The following ASMTL variants were observed in gnomAD, a reference collection of about 807,000 sequenced individuals.
The protein encoded by ASMTL is acetylserotonin O-methyltransferase like.
In ASMTL, 57 loss-of-function variants were observed where a neutral mutation model predicts 60.3. The ratio of observed to expected loss-of-function variants is 0.95; its 90% CI spans 0.76 to 1.18. The LOEUF (loss-of-function observed/expected upper bound fraction) is 1.18, where lower values mean the gene tolerates loss of function less well. Among genes scored for constraint, ASMTL ranks in the 50% most tolerant of loss-of-function variants. The pLI is 0.00. For synonymous variants in ASMTL, 419 were observed against 373.0 expected (o/e 1.12, Z -1.42); for missense variants, 981 against 852.6 (o/e 1.15, Z -1.88).
In ASMTL at chrX:1,418,141, T is replaced by C. The variant is rs761286968; in HGVS notation, c.1379-25A>G. 43 of 1,571,876 alleles carry C rather than the reference T, an allele frequency of 2.7e-5. No individual in the cohort carries two copies. The Admixed American group carries it at 4.1e-4, about 15-fold the overall frequency. Reference sequence around the variant, plus strand: ...CCTGCGGGGAAGCAAATGCATGCTCTGTGGCTGGGTCGTCTATGGAACTCT... The same window carrying C: ...CCTGCGGGGAAGCAAATGCATGCTCCGTGGCTGGGTCGTCTATGGAACTCT... On this transcript the variant is annotated intron_variant, in intron 10 of 12. Transcript: ENST00000381317.
chrX:1,420,045 A>ATCTCTC (rs1226181638), intron 9 of ASMTL, among the ~76,000 whole-genome samples: 1 of 49,322 alleles, frequency 2.0e-5, no homozygotes, highest in African/African-American at 4.6e-5. Context: ...CTCTGTCTCT[A>ATCTCTC]TGTCTGTCTC....
intron 3 of ASMTL, among the ~76,000 whole-genome samples, chrX:1,436,975 T>A (rs1235767246): frequency 6.6e-6 from 1 of 152,148 alleles, no homozygotes; most frequent in Admixed American, 6.6e-5. Flanking sequence ...CAGGGCTGGT[T>A]CCTCCTGAAG....
At chrX:1,414,526 G>A (rs1187688490) in intron 11 of ASMTL, among the ~76,000 whole-genome samples, 4 of 152,076 alleles carry the variant, frequency 2.6e-5, no homozygotes, top group Admixed American at 2.6e-4. Flanking sequence ...TGGCCAACAT[G>A]GTGAAACCCC....
At chrX:1,419,190 G>T in intron 9 of ASMTL, 76 bp from the exon 10 acceptor site, 2 of 1,554,952 alleles carry the variant, frequency 1.3e-6, no homozygotes, top group South Asian at 2.3e-5. Context: ...TGGGGGTCGG[G>T]GGGAGAAGTG....
rs145304143 is a variant in ASMTL at position 1,418,742 on chromosome X, G to A, written c.1378+240C>T. ...GAATCCAGGGGTTCCAAGGTGCTCTGCCTCAGCTCCGCAGCCAAAAGAGAG... is the reference window on the plus strand; with the variant it reads ...GAATCCAGGGGTTCCAAGGTGCTCTACCTCAGCTCCGCAGCCAAAAGAGAG... On this transcript the variant is annotated intron_variant, in intron 10 of 12. Transcript: ENST00000381317. 0.011 allele frequency among the ~76,000 whole-genome samples: 1,609 copies of A among 152,154 alleles called. 48 individuals are homozygous for A. Among genetic ancestry groups the A allele is most frequent in the East Asian group, 0.061 (316 of 5,154 alleles).
In ASMTL at chrX:1,419,111, C is replaced by T; in HGVS notation, c.1249G>A (p.Ala417Thr). 6.2e-7 allele frequency: 1 copy of T among 1,611,106 alleles called. No homozygotes were observed. The highest frequency in any genetic ancestry group is 8.5e-7 in the Non-Finnish European group (1 of 1,179,460). ...CGCGTCTCCGGGCTCTGGTAGTACG[C>T]ATCCTGGAACACAGCAGGTGCTTAG... ...GKKAEDLFQD[A>T]YYQSPETRLR... The change falls in exon 10 of 13, where the codon GCG becomes ACG. Residue 417 changes from alanine (A) to threonine (T), a missense_variant. Ala to Thr is a moderately conservative substitution (Grantham distance 58). Coordinates refer to ENST00000381317, the MANE Select transcript of ASMTL (RefSeq NM_004192.4).
In ASMTL at chrX:1,442,049, CAT is replaced by C. The variant is rs2091121156; in HGVS notation, c.225+135_225+136del. The C allele has an allele frequency of 6.4e-6, 6 of 938,842 alleles. No individual in the cohort carries two copies. The Admixed American group carries it at 6.7e-5, about 10-fold the overall frequency. 58.2% of individuals were successfully genotyped at this position (938,842 alleles called of 1,614,324 possible). A position where few individuals can be genotyped will look rare whatever the true frequency, so the allele number is the denominator to read the frequency against. The stretch of plus-strand genomic sequence containing the variant: ...ACTGCAATAGTGCATTACATTATAA[CAT>C]AGCAATAGCTAAGCTGTGCCACCAA... On this transcript the variant is annotated intron_variant, in intron 2 of 12. Transcript: ENST00000381317.
At chrX:1,440,085 CTTTCTTTT>C (rs1175218235) in intron 2 of ASMTL, among the ~76,000 whole-genome samples, 1 of 149,648 alleles carries the variant, frequency 6.7e-6, no homozygotes, top group Non-Finnish European at 1.5e-5. Context: ...GTATTTCTTT[CTTTCTTTT>C]TTTTTTTTTT....
chrX:1,423,229 G>A (rs1357616345), intron 8 of ASMTL, among the ~76,000 whole-genome samples: 1 of 152,184 alleles, frequency 6.6e-6, no homozygotes, highest in African/African-American at 2.4e-5. Flanking sequence ...TGGGATTACA[G>A]GCGTGGCCTA....
At chrX:1,445,465 T>A (rs1396632644) in intron 1 of ASMTL, among the ~76,000 whole-genome samples, 1 of 152,102 alleles carries the variant, frequency 6.6e-6, no homozygotes, top group South Asian at 2.1e-4. Context: ...ACAAACTACA[T>A]AATGACAGCA....
intron 1 of ASMTL, 52 bp from the exon 2 acceptor site, chrX:1,442,369 G>A: frequency 6.2e-7 from 1 of 1,606,130 alleles, no homozygotes; most frequent in Non-Finnish European, 8.5e-7. Flanking sequence ...CCTATGAAAA[G>A]TGAATGGGAC....
rs1167220583 is a variant in ASMTL, at chrX:1,413,438, C to T, written c.1523-584G>A. Among the ~76,000 whole-genome samples, 18 of 152,310 alleles carry T rather than the reference C, an allele frequency of 1.2e-4. No homozygotes were observed. The East Asian group carries it at 1.4e-3, about 11-fold the overall frequency. On this transcript the variant is annotated intron_variant, in intron 11 of 12. Transcript: ENST00000381317. Reference sequence around the variant, plus strand: ...CACATGGGCGTGTGCCAGGGAGAGTCGGGGCCGCACTGCCGGTGAGTGGGC... The same window carrying T: ...CACATGGGCGTGTGCCAGGGAGAGTTGGGGCCGCACTGCCGGTGAGTGGGC...
rs767010478 is a variant in ASMTL at position 1,426,651 on chromosome X, G to A, written c.898-964C>T. Among the ~76,000 whole-genome samples, 260 of 152,242 alleles carry A rather than the reference G, an allele frequency of 1.7e-3. 1 individual carries two copies. Among genetic ancestry groups the A allele is most frequent in the African/African-American group, 3.9e-3 (164 of 41,542 alleles). ...GTGGATCAGCTGAGGTCAGGAGTTCGAGACCATCCTGGCCAACATAGCGAA... is the reference window on the plus strand; with the variant it reads ...GTGGATCAGCTGAGGTCAGGAGTTCAAGACCATCCTGGCCAACATAGCGAA... On this transcript the variant is annotated intron_variant, in intron 7 of 12. Transcript: ENST00000381317.
Position 1,442,389 on chromosome X carries a change from T to A in ASMTL, c.94-72A>T, listed in dbSNP as rs181110360. ...GAAAAGTGAATGGGACATGCAAGATTTGCAGGACGCACATAGCGTTTGCTA... is the reference window on the plus strand; with the variant it reads ...GAAAAGTGAATGGGACATGCAAGATATGCAGGACGCACATAGCGTTTGCTA... On this transcript the variant is annotated intron_variant, in intron 1 of 12. Coordinates refer to ENST00000381317, the MANE Select transcript of ASMTL (RefSeq NM_004192.4). The A allele has an allele frequency of 2.9e-5, 46 of 1,571,290 alleles. No individual in the cohort carries two copies. In the African/African-American group the frequency reaches 5.7e-4, roughly 19 times the overall value.
intron 3 of ASMTL, among the ~76,000 whole-genome samples, chrX:1,438,026 C>T (rs762922795): frequency 9.9e-5 from 15 of 151,784 alleles, no homozygotes; most frequent in East Asian, 3.9e-4. Flanking sequence ...CGGTGGCTCA[C>T]GCCTGTCATC....
intron 1 of ASMTL, among the ~76,000 whole-genome samples, chrX:1,449,039 C>T (rs1349854389): frequency 8.5e-5 from 13 of 152,118 alleles, no homozygotes; most frequent in African/African-American, 3.1e-4. Context: ...CCCAAGATAA[C>T]CTCCTTCAGA....
intron 11 of ASMTL, among the ~76,000 whole-genome samples, chrX:1,416,260 C>T (rs1304635506): frequency 3.3e-5 from 5 of 150,890 alleles, no homozygotes; most frequent in East Asian, 1.9e-4. Flanking sequence ...CAGACACGCA[C>T]GGACACACAG....
chrX:1,404,423 G>T (rs1342325420), intron 12 of ASMTL, among the ~76,000 whole-genome samples: 2 of 150,948 alleles, frequency 1.3e-5, no homozygotes, highest in African/African-American at 4.9e-5. Context: ...ATGGATGCAG[G>T]CATGGATGAG....
Position 1,449,957 on chromosome X carries a change from A to G in ASMTL, c.93+2791T>C, listed in dbSNP as rs772458332. On this transcript the variant is annotated intron_variant, in intron 1 of 12. Coordinates refer to ENST00000381317, the MANE Select transcript of ASMTL (RefSeq NM_004192.4). The stretch of plus-strand genomic sequence containing the variant: ...CCCCCACCACCAGTAAATATGCCCC[A>G]TCATCACCAGTAACTATCCCTCATC... Among the ~76,000 whole-genome samples the G allele has an allele frequency of 3.8e-4, 54 of 143,568 alleles. No homozygotes were observed. The South Asian group carries it at 0.012, about 31-fold the overall frequency. The allele number at this position is 143,568 out of a possible 152,430, so 94.2% of individuals were successfully genotyped here.
Sources: allele counts gnomAD v4.1 joint callset (sites outside exome capture counted in the v4.1 genomes callset), GRCh38; gene constraint gnomAD v4.1.1; transcripts MANE v1.5; gene names NCBI Gene and HGNC (gene_info 2026-07-23, HGNC 2026-07-21).